Variants in EYS observed in about 807,000 individuals in gnomAD.
EYS encodes the protein EGF-like photoreceptor maintenance factor.
EYS carries 250 observed loss-of-function variants against 282.1 expected under a neutral mutation model. The ratio of observed to expected loss-of-function variants is 0.89; its 90% CI spans 0.80 to 0.98. The LOEUF is 0.98. Ranked by LOEUF, EYS falls within the 50% of genes least tolerant of loss-of-function variation. The probability of loss-of-function intolerance (pLI) is 0.00; values close to 1 mark genes in which losing one functional copy is unlikely to be tolerated. For missense variants in EYS, 4,016 were observed against 3,709.0 expected (o/e 1.08, Z -2.15); for synonymous variants, 1,355 against 1,282.9 (o/e 1.06, Z -1.20).
intron 26 of EYS, among the ~76,000 whole-genome samples, chr6:64,476,732 A>G (rs903615149): frequency 6.6e-6 from 1 of 152,174 alleles, no homozygotes; most frequent in Non-Finnish European, 1.5e-5. Context: ...ATATTTAAAT[A>G]TGTCATAAGG....
intron 33 of EYS, among the ~76,000 whole-genome samples, chr6:64,043,992 T>C (rs886226922): frequency 6.6e-5 from 10 of 152,188 alleles, no homozygotes; most frequent in African/African-American, 2.2e-4. Context: ...ATGAAAACCT[T>C]CCTTCCCCTG....
chr6:64,808,074 C>T (rs1166115208), intron 22 of EYS, among the ~76,000 whole-genome samples: 1 of 145,766 alleles, frequency 6.9e-6, no homozygotes. Context: ...CCTTTCTTTC[C>T]CTTCCCTTCC....
intron 26 of EYS, among the ~76,000 whole-genome samples, chr6:64,448,037 G>A (rs536358683): frequency 5.3e-5 from 8 of 152,310 alleles, no homozygotes; most frequent in East Asian, 3.9e-4. Flanking sequence ...TGCACCGTGC[G>A]TGAGCCTAAG....
At chr6:65,397,610 G>C (rs1201212805) in intron 7 of EYS, among the ~76,000 whole-genome samples, 1 of 151,086 alleles carries the variant, frequency 6.6e-6, no homozygotes, top group East Asian at 1.9e-4. Flanking sequence ...GTGTGTGTGT[G>C]TGTGTGTGTG....
intron 31 of EYS, among the ~76,000 whole-genome samples, chr6:64,145,870 C>A (rs537611796): frequency 1.3e-5 from 2 of 152,102 alleles, no homozygotes; most frequent in African/African-American, 2.4e-5. Flanking sequence ...GTGAATTTAT[C>A]ATAAAGCTCA....
intron 28 of EYS, among the ~76,000 whole-genome samples, chr6:64,422,767 T>G (rs897441910): frequency 6.6e-6 from 1 of 152,326 alleles, no homozygotes; most frequent in South Asian, 2.1e-4. Flanking sequence ...TCTATGTTAA[T>G]CTTGTGCTAC....
At chr6:64,960,098 G>A (rs1352560158) in intron 14 of EYS, among the ~76,000 whole-genome samples, 5 of 151,908 alleles carry the variant, frequency 3.3e-5, no homozygotes, top group African/African-American at 1.2e-4. Context: ...TTCAGGTATA[G>A]AAAAAAAGTG....
intron 22 of EYS, among the ~76,000 whole-genome samples, chr6:64,778,776 C>T (rs1320101282): frequency 1.3e-5 from 2 of 152,098 alleles, no homozygotes; most frequent in South Asian, 2.1e-4. Flanking sequence ...GGCAAATAAG[C>T]ATATGTAGCT....
chr6:65,329,523 A>C (rs187322784), intron 11 of EYS: 1 of 982,926 alleles, frequency 1.0e-6, no homozygotes, highest in Admixed American at 6.2e-5. Flanking sequence ...GACTGGCCCC[A>C]ACCCAAAAAT....
chr6:65,604,384 T>C (rs1387176751), intron 2 of EYS, among the ~76,000 whole-genome samples: 2 of 151,862 alleles, frequency 1.3e-5, no homozygotes, highest in African/African-American at 2.4e-5. Context: ...AAACCCAGAA[T>C]ACATAAAAGG....
chr6:64,929,046 C>T (rs1768613924), intron 15 of EYS, among the ~76,000 whole-genome samples: 1 of 152,020 alleles, frequency 6.6e-6, no homozygotes, highest in African/African-American at 2.4e-5. Context: ...GTCCTAATCA[C>T]CAGGATCTCA....
At position 64,478,230 on chromosome 6, in the gene EYS, ATATAT is replaced by A. The variant is rs10552835; in HGVS notation, c.5645-38883_5645-38879del. Among the ~76,000 whole-genome samples, 1,253 of 152,070 alleles carry A rather than the reference ATATAT, an allele frequency of 8.2e-3. 13 individuals carry two copies. Among genetic ancestry groups the A allele is most frequent in the African/African-American group, 0.028 (1,155 of 41,506 alleles). On this transcript the variant is annotated intron_variant, in intron 26 of 42. Transcript: ENST00000503581. ...TTACCTTTTGCATGCAATTTTATTA[ATATAT>A]TATGTTTTCAATCATATTTACTTTT...
intron 29 of EYS, among the ~76,000 whole-genome samples, chr6:64,320,438 T>C (rs1408197799): frequency 2.6e-5 from 4 of 151,932 alleles, no homozygotes; most frequent in Admixed American, 2.6e-4. Flanking sequence ...TTAATGGTCT[T>C]TTATTCTGCA....
chr6:63,880,487 G>GTATTTATCTATC (rs1554184438), intron 35 of EYS, among the ~76,000 whole-genome samples: 1 of 142,780 alleles, frequency 7.0e-6, no homozygotes, highest in South Asian at 2.4e-4. Context: ...CTGTCTGTCT[G>GTATTTATCTATC]TATCTATCTA....
At chr6:64,758,492 G>A (rs573840100) in intron 22 of EYS, among the ~76,000 whole-genome samples, 1 of 152,116 alleles carries the variant, frequency 6.6e-6, no homozygotes, top group East Asian at 1.9e-4. Context: ...AAGAGTTTAC[G>A]ACAATCCTCT....
chr6:64,040,990 T>C (rs1344388406), intron 33 of EYS, among the ~76,000 whole-genome samples: 1 of 152,184 alleles, frequency 6.6e-6, no homozygotes, highest in Non-Finnish European at 1.5e-5. Flanking sequence ...ATTTTAAAAA[T>C]TAGAATAGAC....
intron 13 of EYS, among the ~76,000 whole-genome samples, chr6:65,056,026 T>C (rs927095785): frequency 6.6e-6 from 1 of 152,102 alleles, no homozygotes; most frequent in African/African-American, 2.4e-5. Flanking sequence ...ATAAATTATT[T>C]GGGATTATTG....
At chr6:64,942,510 A>G (rs1769122471) in intron 15 of EYS, among the ~76,000 whole-genome samples, 1 of 147,272 alleles carries the variant, frequency 6.8e-6, no homozygotes, top group East Asian at 2.0e-4. Context: ...GATCCAAATA[A>G]GTACAGTCAG....
chr6:63,892,432 T>A (rs1316145358), intron 35 of EYS, among the ~76,000 whole-genome samples: 1 of 152,138 alleles, frequency 6.6e-6, no homozygotes, highest in Non-Finnish European at 1.5e-5. Context: ...ACCACACATC[T>A]ACAACCATCT....
Sources: gnomAD v4.1 joint callset for allele counts (sites outside exome capture counted in the v4.1 genomes callset) on GRCh38, gnomAD v4.1.1 for gene constraint, MANE v1.5 for transcripts, NCBI Gene and HGNC (gene_info 2026-07-23, HGNC 2026-07-21) for gene names.